The following CFAP70 variants were observed in gnomAD, a reference collection of about 807,000 sequenced individuals.
The protein encoded by CFAP70 is cilia and flagella associated protein 70.
Under a neutral mutation model 137.6 loss-of-function variants are expected in CFAP70, and 81 were observed. The ratio of observed to expected loss-of-function variants is 0.59; its 90% CI spans 0.49 to 0.71. The LOEUF (loss-of-function observed/expected upper bound fraction) is 0.71, where lower values mean the gene tolerates loss of function less well. Ranked by LOEUF, CFAP70 falls within the 30% of genes least tolerant of loss-of-function variation. CFAP70 has a pLI of 0.00. For synonymous variants in CFAP70, 382 were observed against 423.6 expected (o/e 0.90, Z 1.20); for missense variants, 976 against 1,226.7 (o/e 0.80, Z 3.05).
chr10:73,271,122 T>TGTA (rs200557400), intron 24 of CFAP70, among the ~76,000 whole-genome samples: 2,489 of 152,310 alleles, frequency 0.016, 44 homozygotes, highest in Non-Finnish European at 0.025. Flanking sequence ...ATTGAGCCAC[T>TGTA]GTACACCAGC....
chr10:73,351,104 T>TATATAC (rs2054225792), intron 3 of CFAP70, among the ~76,000 whole-genome samples: 1 of 132,710 alleles, frequency 7.5e-6, no homozygotes, highest in Non-Finnish European at 1.6e-5. Context: ...TATATATATA[T>TATATAC]ATATATATGT....
upstream of CFAP70, among the ~76,000 whole-genome samples, chr10:73,361,722 A>C (rs1388661031): frequency 6.6e-6 from 1 of 152,164 alleles, no homozygotes; most frequent in African/African-American, 2.4e-5. Flanking sequence ...ATTACTCCAA[A>C]AGACTTGTTT....
chr10:73,302,974 G>C (rs912296816), intron 12 of CFAP70, among the ~76,000 whole-genome samples: 2 of 149,512 alleles, frequency 1.3e-5, no homozygotes, highest in Non-Finnish European at 3.0e-5. Context: ...TGGATCTCCA[G>C]GCTCAAGCAA....
rs138520194 is a variant in CFAP70 at position 73,347,757 on chromosome 10, G to A, written c.349+666C>T. Among the ~76,000 whole-genome samples, 924 of 152,248 alleles carry A rather than the reference G, an allele frequency of 6.1e-3. 14 individuals carry two copies. Among genetic ancestry groups the A allele is most frequent in the Non-Finnish European group, 6.2e-3 (419 of 68,016 alleles). ...GAAAGGGGTCTGGGCTAGAACTGCT[G>A]GATTAGAAATTTTCAGTGAGAGGCA... On this transcript the variant is annotated intron_variant, in intron 4 of 26. Transcript: ENST00000310715.
chr10:73,356,254 A>C (rs2054672141), intron 1 of CFAP70, among the ~76,000 whole-genome samples: 1 of 148,550 alleles, frequency 6.7e-6, no homozygotes, highest in South Asian at 2.1e-4. Context: ...GCTGGAGTGC[A>C]GTGGTGTGAT....
chr10:73,296,101 C>T (rs1276115241), intron 15 of CFAP70: 2 of 152,182 alleles, frequency 1.3e-5, no homozygotes, highest in Non-Finnish European at 2.9e-5. Flanking sequence ...AATCAACTAA[C>T]ATCACAGTTT....
intron 6 of CFAP70, among the ~76,000 whole-genome samples, chr10:73,336,744 C>A (rs1751889705): frequency 6.6e-6 from 1 of 151,860 alleles, no homozygotes; most frequent in Admixed American, 6.6e-5. Flanking sequence ...CGCCACCACG[C>A]CCGGCTAATT....
intron 8 of CFAP70, among the ~76,000 whole-genome samples, chr10:73,326,708 C>A (rs1190761969): frequency 6.6e-6 from 1 of 152,072 alleles, no homozygotes; most frequent in African/African-American, 2.4e-5. Flanking sequence ...AGGATGAACA[C>A]CTCTACACAA....
At chr10:73,269,563 C>G (rs755701491) in intron 25 of CFAP70, 51 bp downstream of exon 26, 15 of 1,349,838 alleles carry the variant, frequency 1.1e-5, no homozygotes, top group Non-Finnish European at 1.5e-5. Flanking sequence ...TTACTTGACC[C>G]CTCACCTCTG....
At chr10:73,317,760 C>T (rs947467386) in intron 9 of CFAP70, among the ~76,000 whole-genome samples, 2 of 151,940 alleles carry the variant, frequency 1.3e-5, no homozygotes, top group African/African-American at 4.8e-5. Flanking sequence ...ATGTGAGCCC[C>T]CTCCAGTGGG....
intron 8 of CFAP70, among the ~76,000 whole-genome samples, chr10:73,325,200 G>T (rs1228503773): frequency 6.6e-6 from 1 of 152,126 alleles, no homozygotes; most frequent in East Asian, 1.9e-4. Flanking sequence ...TTAAAGAAAA[G>T]AATTTTCAAC....
intron 5 of CFAP70, among the ~76,000 whole-genome samples, chr10:73,343,804 G>T (rs1036917633): frequency 1.3e-5 from 2 of 152,078 alleles, no homozygotes; most frequent in East Asian, 3.8e-4. Context: ...AGTTTAAAAT[G>T]ATGTAAGAAA....
In CFAP70 at chr10:73,341,501, C is replaced by T; in HGVS notation, c.480G>A (p.Trp160Ter). 2 of 1,614,168 alleles carry T rather than the reference C, an allele frequency of 1.2e-6. No homozygotes were observed. Among genetic ancestry groups the T allele is most frequent in the Non-Finnish European group, 1.7e-6 (2 of 1,180,028 alleles). The change falls in exon 6 of 27, where the codon TGG becomes TGA. Residue 160 changes from tryptophan to a stop codon, truncating the protein, a stop_gained. Coordinates refer to ENST00000310715, the Ensembl canonical transcript of CFAP70. LOFTEE classifies it high-confidence loss of function. Reference sequence around the variant, plus strand: ...CTGGAGCCAGAATGTTGGCAATTGGCCACTTTTTGGGCCGGGGAACAGGTT... The same window carrying T: ...CTGGAGCCAGAATGTTGGCAATTGGTCACTTTTTGGGCCGGGGAACAGGTT...
chr10:73,328,601 G>A (rs2051726129), intron 8 of CFAP70, among the ~76,000 whole-genome samples: 1 of 142,500 alleles, frequency 7.0e-6, no homozygotes, highest in Non-Finnish European at 1.5e-5. Context: ...CTGACAAAGG[G>A]CTAATATCCA....
chr10:73,272,667 T>C, intron 24 of CFAP70: 1 of 535,998 alleles, frequency 1.9e-6, no homozygotes, highest in Non-Finnish European at 3.4e-6. Flanking sequence ...AAGGAGTGTC[T>C]ATACCAAATA....
chr10:73,342,867 G>C (rs1371938083), intron 5 of CFAP70, among the ~76,000 whole-genome samples: 1 of 152,072 alleles, frequency 6.6e-6, no homozygotes, highest in East Asian at 1.9e-4. Flanking sequence ...ACAAGGTCAG[G>C]AGTTCGAGAC....
chr10:73,333,206 A>G (rs1336298974), intron 7 of CFAP70, among the ~76,000 whole-genome samples: 9 of 152,198 alleles, frequency 5.9e-5, no homozygotes, highest in African/African-American at 2.2e-4. Flanking sequence ...ATGTGAATAG[A>G]AATTCCCCAA....
intron 9 of CFAP70, among the ~76,000 whole-genome samples, chr10:73,314,218 G>C (rs2050157539): frequency 6.6e-6 from 1 of 152,150 alleles, no homozygotes; most frequent in South Asian, 2.1e-4. Flanking sequence ...GGTAATGTGT[G>C]TATGTTCATT....
At chr10:73,259,770 C>T (rs2044954039) in intron 25 of CFAP70, among the ~76,000 whole-genome samples, 1 of 152,156 alleles carries the variant, frequency 6.6e-6, no homozygotes, top group African/African-American at 2.4e-5. Flanking sequence ...GCAGTTCATG[C>T]CTGTAATCCC....
Sources: gnomAD v4.1 joint callset for allele counts (sites outside exome capture counted in the v4.1 genomes callset) on GRCh38, gnomAD v4.1.1 for gene constraint, MANE v1.5 for transcripts, NCBI Gene and HGNC (gene_info 2026-07-23, HGNC 2026-07-21) for gene names.